MYEF2: variants seen among roughly 807,000 people sequenced by gnomAD.
MYEF2 encodes myelin expression factor 2.
In MYEF2, 37 loss-of-function variants were observed where a neutral mutation model predicts 75.2. That is an observed-to-expected ratio of 0.49 (90% CI 0.38 to 0.65). The LOEUF is 0.65. Ranked by LOEUF, MYEF2 falls within the 30% of genes least tolerant of loss-of-function variation. The pLI, the probability that MYEF2 is intolerant of heterozygous loss-of-function variation, is 0.00. For synonymous variants in MYEF2, 195 were observed against 241.6 expected (o/e 0.81, Z 1.79); for missense variants, 634 against 771.4 (o/e 0.82, Z 2.11).
intron 1 of MYEF2, 102 bp downstream of exon 1, chr15:48,177,975 C>T (rs2040613485): frequency 6.9e-7 from 1 of 1,446,966 alleles, no homozygotes; most frequent in Non-Finnish European, 9.3e-7. Context: ...GGGCCGGGGT[C>T]TGGGGGTGGT....
intron 1 of MYEF2, among the ~76,000 whole-genome samples, chr15:48,177,666 A>C (rs1364347878): frequency 6.7e-6 from 1 of 150,224 alleles, no homozygotes; most frequent in African/African-American, 2.5e-5. Flanking sequence ...TTAAGAGGAA[A>C]TGTCCGATGA....
intron 9 of MYEF2, chr15:48,157,112 G>C (rs533476113): frequency 7.9e-5 from 12 of 152,134 alleles, no homozygotes; most frequent in African/African-American, 2.4e-4. Context: ...AAAAACCAGA[G>C]AAGATGCAGT....
chr15:48,167,083 T>C (rs1469090839), intron 3 of MYEF2, among the ~76,000 whole-genome samples: 2 of 152,052 alleles, frequency 1.3e-5, no homozygotes, highest in Non-Finnish European at 2.9e-5. Flanking sequence ...AAAAATCCTA[T>C]GCTAAAATCT....
intron 1 of MYEF2, among the ~76,000 whole-genome samples, chr15:48,177,092 T>C (rs1350063275): frequency 1.3e-5 from 2 of 152,228 alleles, no homozygotes; most frequent in African/African-American, 4.8e-5. Context: ...TCTATTGCTT[T>C]CTGCTCTGAG....
chr15:48,158,279 C>T, intron 7 of MYEF2, 55 bp from the exon 8 acceptor site: 1 of 1,511,110 alleles, frequency 6.6e-7, no homozygotes, highest in Non-Finnish European at 9.1e-7. Context: ...TATAACAGAA[C>T]ACAAACTAAT....
intron 1 of MYEF2, among the ~76,000 whole-genome samples, chr15:48,170,796 G>C (rs1356157256): frequency 6.6e-6 from 1 of 152,086 alleles, no homozygotes; most frequent in African/African-American, 2.4e-5. Context: ...TATCTGCTTT[G>C]GTATCAGCAG....
At chr15:48,148,994 A>G in intron 16 of MYEF2, 38 bp downstream of exon 16, 1 of 1,606,666 alleles carries the variant, frequency 6.2e-7, no homozygotes, top group Non-Finnish European at 8.5e-7. Context: ...TTCCTCCATA[A>G]TCAATATCAA....
chr15:48,139,810 G>A lies in MYEF2; in HGVS notation c.*3098C>T, dbSNP rs930220823. ...ATAATCTGTAATTTCTCCTACAAAG[G>A]TTAACCCAAATTAACTTACAGCAGA... On this transcript the variant is annotated 3_prime_UTR_variant, in exon 17 of 17. Coordinates refer to ENST00000324324, the MANE Select transcript of MYEF2 (RefSeq NM_016132.5). 2 of 151,984 alleles carry A rather than the reference G, an allele frequency of 1.3e-5. No homozygotes were observed. The highest frequency in any genetic ancestry group is 2.4e-5 in the African/African-American group (1 of 41,394). 9.4% of individuals were successfully genotyped at this position (151,984 alleles called of 1,614,324 possible).
intron 16 of MYEF2, among the ~76,000 whole-genome samples, chr15:48,144,158 T>C (rs893357405): frequency 6.6e-6 from 1 of 151,930 alleles, no homozygotes; most frequent in Non-Finnish European, 1.5e-5. Flanking sequence ...ACATATTTAG[T>C]TCTAGGAAGG....
chr15:48,141,618 C>A lies in MYEF2; in HGVS notation c.*1290G>T. 1 of 162,760 alleles carries A rather than the reference C, an allele frequency of 6.1e-6. No individual in the cohort carries two copies. The highest frequency in any genetic ancestry group is 1.3e-5 in the Non-Finnish European group (1 of 75,026). 10.1% of individuals were successfully genotyped at this position (162,760 alleles called of 1,614,324 possible). A position where few individuals can be genotyped will look rare whatever the true frequency, so the allele number is the denominator to read the frequency against. On this transcript the variant is annotated 3_prime_UTR_variant, in exon 17 of 17. Transcript: ENST00000324324. ...CAAAAAAAAAAAAAAAAGTTTACTT[C>A]CTCAGTAACATACTTTGAAGGGGGA...
At position 48,138,787 on chromosome 15, in the gene MYEF2, G is replaced by T. The variant is rs1436249695; in HGVS notation, c.*4121C>A. 3.5e-6 allele frequency: 2 copies of T among 572,556 alleles called. No individual in the cohort carries two copies. Among genetic ancestry groups the T allele is most frequent in the African/African-American group, 1.9e-5 (1 of 53,358 alleles). 35.5% of individuals were successfully genotyped at this position (572,556 alleles called of 1,614,324 possible). On this transcript the variant is annotated 3_prime_UTR_variant, in exon 17 of 17. Coordinates refer to ENST00000324324, the MANE Select transcript of MYEF2 (RefSeq NM_016132.5). ...CGGAGTATCACATCTTACATTGTCT[G>T]CCCTAAAGTTTCAATTAGTTTCTTT... is the stretch of plus-strand genomic sequence containing the variant.
At chr15:48,177,968 C>T in intron 1 of MYEF2, 109 bp downstream of exon 1, 1 of 1,402,560 alleles carries the variant, frequency 7.1e-7, no homozygotes, top group Non-Finnish European at 9.6e-7. Flanking sequence ...CGGGGGCGGG[C>T]CGGGGTCTGG....
rs112549906 is a variant in MYEF2 at position 48,151,710 on chromosome 15, A to G, written c.1208-139T>C. The G allele has an allele frequency of 1.6e-5, 18 of 1,127,730 alleles. No homozygotes were observed. The African/African-American group carries it at 2.3e-4, about 15-fold the overall frequency. The allele number at this position is 1,127,730 out of a possible 1,614,324, so 69.9% of individuals were successfully genotyped here. On this transcript the variant is annotated intron_variant, in intron 12 of 16. Coordinates refer to ENST00000324324, the MANE Select transcript of MYEF2 (RefSeq NM_016132.5). ...CTGTCATTTACCCAATTTACCTCAC[A>G]TGCCACACATATCATCCCCATTCCC...
At chr15:48,160,486 T>TACATACACACACACACACACACACACAC (rs200591805) in intron 5 of MYEF2, among the ~76,000 whole-genome samples, 19 of 139,306 alleles carry the variant, frequency 1.4e-4, no homozygotes, top group African/African-American at 4.7e-4. Context: ...AAACCAAACA[T>TACATACACACACACACACACACACACAC]ACACACACAC....
chr15:48,153,222 T>C (rs1325253830), intron 10 of MYEF2: 7 of 152,184 alleles, frequency 4.6e-5, no homozygotes, highest in African/African-American at 9.6e-5. Flanking sequence ...AATGAGTTTA[T>C]CATTTTTTAA....
Position 48,142,178 on chromosome 15 carries a change from T to C in MYEF2, c.*730A>G. ...CAGAGGACTAACTTACATAACCATCTCTCTCAACATTTCAATTATTTTTCT... is the reference window on the plus strand; with the variant it reads ...CAGAGGACTAACTTACATAACCATCCCTCTCAACATTTCAATTATTTTTCT... On this transcript the variant is annotated 3_prime_UTR_variant, in exon 17 of 17. Transcript: ENST00000324324. 1 of 1,613,848 alleles carries C rather than the reference T, an allele frequency of 6.2e-7. No homozygotes were observed. The highest frequency in any genetic ancestry group is 8.5e-7 in the Non-Finnish European group (1 of 1,179,882).
In MYEF2 at chr15:48,149,552, TAAC is replaced by T. The variant is rs1053129904; in HGVS notation, c.1379-184_1379-182del. The T allele has an allele frequency of 6.2e-5, 26 of 420,992 alleles. No homozygotes were observed. Among genetic ancestry groups the T allele is most frequent in the Non-Finnish European group, 8.1e-5 (20 of 246,796 alleles). 26.1% of individuals were successfully genotyped at this position (420,992 alleles called of 1,614,324 possible). A position where few individuals can be genotyped will look rare whatever the true frequency, so the allele number is the denominator to read the frequency against. ...AAACATAAAATTATTTTCATACAGA[TAAC>T]AACTTTCCAAAGAACAGAATTTGCT... On this transcript the variant is annotated intron_variant, in intron 14 of 16. Transcript: ENST00000324324. The surrounding 1 kb of genome is among the most constrained non-coding windows in gnomAD (Gnocchi z 4.0).
At chr15:48,174,105 G>C (rs1332020873) in intron 1 of MYEF2, among the ~76,000 whole-genome samples, 5 of 151,994 alleles carry the variant, frequency 3.3e-5, no homozygotes, top group African/African-American at 1.2e-4. Context: ...CAAATCTATA[G>C]TAATCAAAAC....
chr15:48,154,686 C>T (rs1022741257), intron 9 of MYEF2, among the ~76,000 whole-genome samples: 5 of 152,014 alleles, frequency 3.3e-5, no homozygotes, highest in African/African-American at 9.7e-5. Flanking sequence ...ACATTTAAAA[C>T]CCAAAATTGA....
Sources: allele counts gnomAD v4.1 joint callset (sites outside exome capture counted in the v4.1 genomes callset), GRCh38; gene constraint gnomAD v4.1.1; non-coding constraint Gnocchi (gnomAD v3.1); transcripts MANE v1.5; gene names NCBI Gene and HGNC (gene_info 2026-07-23, HGNC 2026-07-21).